PREX1: variants seen among roughly 807,000 people sequenced by gnomAD.
The protein encoded by PREX1 is phosphatidylinositol-3,4,5-trisphosphate dependent Rac exchange factor 1.
A neutral mutation model predicts 198.3 loss-of-function variants in PREX1; 41 were observed. The observed-to-expected ratio is 0.21, with a 90% confidence interval of 0.16 to 0.27. The LOEUF (loss-of-function observed/expected upper bound fraction) is 0.27. Ranked by LOEUF, PREX1 falls within the 10% of genes least tolerant of loss-of-function variation. PREX1 has a pLI of 1.00. For missense variants in PREX1, 1,620 were observed against 2,200.7 expected (o/e 0.74, Z 5.28); for synonymous variants, 843 against 887.2 (o/e 0.95, Z 0.89).
intron 14 of PREX1, among the ~76,000 whole-genome samples, chr20:48,675,181 A>G (rs1359924634): frequency 2.6e-5 from 4 of 152,220 alleles, no homozygotes; most frequent in Non-Finnish European, 1.5e-5. Context: ...GGCATTAGGC[A>G]TCCCTTAGAA....
the PREX1 span, among the ~76,000 whole-genome samples, chr20:48,841,972 T>G: frequency 6.6e-6 from 1 of 152,176 alleles, no homozygotes; most frequent in African/African-American, 2.4e-5. Context: ...TATTTTTATT[T>G]GTCCCAGCAG....
rs2089498132 is a variant in PREX1 at position 48,651,559 on chromosome 20, G to A, written c.2492C>T (p.Pro831Leu). ...GCTGTCCTCACACAGGCTCAGCCGG[G>A]GACCCAGGGACAGCAGTGGGAAGGC... The part of the protein sequence containing the change: ...DSAFPLLSLG[P>L]RLSLCEDSPM... Residue 831 changes from proline (P) to leucine (L), a missense_variant, in exon 22 of 40, where the codon CCC (proline) becomes CTC (leucine). Pro to Leu is a moderately conservative substitution (Grantham distance 98). Transcript: ENST00000371941. The A allele has an allele frequency of 1.2e-6, 2 of 1,613,892 alleles. No homozygotes were observed. The highest frequency in any genetic ancestry group is 1.7e-5 in the Admixed American group (1 of 60,004).
At chr20:48,850,208 G>A in the PREX1 span, among the ~76,000 whole-genome samples, 2 of 152,136 alleles carry the variant, frequency 1.3e-5, no homozygotes, top group African/African-American at 2.4e-5. Flanking sequence ...TTTCTGGCCC[G>A]GGTGGGCTCT....
At chr20:48,661,444 A>AAAATATATATATATAT (rs1555832820) in intron 15 of PREX1, among the ~76,000 whole-genome samples, 3 of 49,596 alleles carry the variant, frequency 6.0e-5, no homozygotes, top group Admixed American at 2.4e-4. Context: ...AAAAAAAAAA[A>AAAATATATATATATAT]ATATATATAT....
At chr20:48,882,204 G>A in the PREX1 span, among the ~76,000 whole-genome samples, 1 of 152,036 alleles carries the variant, frequency 6.6e-6, no homozygotes, top group Non-Finnish European at 1.5e-5. Context: ...GAATTATGTT[G>A]TTAAGAATCT....
chr20:48,797,817 T>C (rs2090370015), intron 1 of PREX1, among the ~76,000 whole-genome samples: 1 of 152,172 alleles, frequency 6.6e-6, no homozygotes. Flanking sequence ...CCCCACCTGA[T>C]GCCTGAGAAC....
At chr20:48,854,520 C>T in the PREX1 span, among the ~76,000 whole-genome samples, 3 of 152,036 alleles carry the variant, frequency 2.0e-5, no homozygotes, top group Non-Finnish European at 4.4e-5. Flanking sequence ...ATGATTACAC[C>T]ACTGCACTCC....
At chr20:48,784,918 C>CT (rs11484382) in intron 1 of PREX1, among the ~76,000 whole-genome samples, 12,185 of 147,020 alleles carry the variant, frequency 0.083, 583 homozygotes, top group East Asian at 0.13. Context: ...TTCTTTCTCT[C>CT]TTTTTTTTTT....
At chr20:48,716,420 C>T (rs981983162) in intron 5 of PREX1, among the ~76,000 whole-genome samples, 2 of 152,188 alleles carry the variant, frequency 1.3e-5, no homozygotes, top group Non-Finnish European at 2.9e-5. Flanking sequence ...CAGCCTGAGG[C>T]GCAGGGCCTC....
chr20:48,661,444 A>AAAAAAAAAAAAATATAT (rs1555832820), intron 15 of PREX1, among the ~76,000 whole-genome samples: 2 of 49,596 alleles, frequency 4.0e-5, no homozygotes, highest in Non-Finnish European at 6.2e-5. Context: ...AAAAAAAAAA[A>AAAAAAAAAAAAATATAT]ATATATATAT....
chr20:48,718,643 C>T (rs1370781231), intron 5 of PREX1, among the ~76,000 whole-genome samples: 1 of 152,110 alleles, frequency 6.6e-6, no homozygotes. Flanking sequence ...ACAAAAAAAG[C>T]ACCTAAAGTC....
intron 5 of PREX1, among the ~76,000 whole-genome samples, chr20:48,723,552 C>T (rs1199764053): frequency 1.3e-5 from 2 of 152,194 alleles, no homozygotes; most frequent in African/African-American, 4.8e-5. Flanking sequence ...CCCCCCACCC[C>T]ACAATCTCCT....
At chr20:48,677,177 C>T (rs35370552) in intron 13 of PREX1, among the ~76,000 whole-genome samples, 14,444 of 152,238 alleles carry the variant, frequency 0.095, 817 homozygotes, top group Middle Eastern at 0.15. Context: ...CTTCCCCAGC[C>T]GCTTCCTTCT....
intron 6 of PREX1, 21 bp downstream of exon 6, chr20:48,708,239 C>T (rs1426256957): frequency 6.2e-7 from 1 of 1,610,128 alleles, no homozygotes; most frequent in East Asian, 2.2e-5. Context: ...CCCAGGAAGC[C>T]CCCTCCTGTC....
intron 1 of PREX1, among the ~76,000 whole-genome samples, chr20:48,777,092 A>G (rs969836535): frequency 1.3e-5 from 2 of 152,138 alleles, no homozygotes; most frequent in South Asian, 4.1e-4. Context: ...CTATTTAGCA[A>G]CTGGGAAGTG....
Position 48,666,187 on chromosome 20 carries a change from A to G in PREX1, c.1738+96T>C. 7.8e-7 allele frequency: 1 copy of G among 1,280,112 alleles called. No individual in the cohort carries two copies. Among genetic ancestry groups the G allele is most frequent in the South Asian group, 1.3e-5 (1 of 77,560 alleles). The allele number at this position is 1,280,112 out of a possible 1,614,324, so 79.3% of individuals were successfully genotyped here. A position where few individuals can be genotyped will look rare whatever the true frequency, so the allele number is the denominator to read the frequency against. On this transcript the variant is annotated intron_variant, in intron 15 of 39. Coordinates refer to ENST00000371941, the MANE Select transcript of PREX1 (RefSeq NM_020820.4). This position sits in a 1 kb window ranked among gnomAD's most constrained non-coding sequence, Gnocchi z 4.3. The stretch of plus-strand genomic sequence containing the variant: ...TCCCCAAACCCCCGGGGGTCTAGAG[A>G]GCCACAGACCTGGCTTCAGTCCTCC...
chr20:48,820,744 G>C (rs2090480864), intron 1 of PREX1, among the ~76,000 whole-genome samples: 1 of 152,180 alleles, frequency 6.6e-6, no homozygotes, highest in Non-Finnish European at 1.5e-5. Flanking sequence ...CTGGTAGGTA[G>C]AGGCCAGCGA....
Position 48,818,922 on chromosome 20 carries a change from C to T in PREX1, c.219+8720G>A, listed in dbSNP as rs535613852. Reference sequence around the variant, plus strand: ...AACTCCTCTTTGGGTGTGGTTGGGTCCACTGGCCTCCTCCAGGAAGCCTGC... The same window carrying T: ...AACTCCTCTTTGGGTGTGGTTGGGTTCACTGGCCTCCTCCAGGAAGCCTGC... On this transcript the variant is annotated intron_variant, in intron 1 of 39. Transcript: ENST00000371941. 1.7e-3 allele frequency among the ~76,000 whole-genome samples: 265 copies of T among 152,282 alleles called. 3 individuals are homozygous for T. Among genetic ancestry groups the T allele is most frequent in the South Asian group, 4.4e-3 (21 of 4,826 alleles).
intron 5 of PREX1, among the ~76,000 whole-genome samples, chr20:48,718,465 C>T (rs550180691): frequency 1.3e-5 from 2 of 152,006 alleles, no homozygotes; most frequent in South Asian, 2.1e-4. Flanking sequence ...CAAAATAAAA[C>T]ACGGAAAGAC....
Sources: gnomAD v4.1 joint callset for allele counts (sites outside exome capture counted in the v4.1 genomes callset) on GRCh38, gnomAD v4.1.1 for gene constraint, Gnocchi (gnomAD v3.1) non-coding constraint, MANE v1.5 for transcripts, NCBI Gene and HGNC (gene_info 2026-07-23, HGNC 2026-07-21) for gene names.